The following CDYL2 variants were observed in gnomAD, a reference collection of about 807,000 sequenced individuals.
CDYL2 encodes chromodomain Y-like protein 2.
CDYL2 carries 23 observed loss-of-function variants against 49.4 expected under a neutral mutation model. The ratio of observed to expected loss-of-function variants is 0.47; its 90% confidence interval spans 0.34 to 0.66. The LOEUF is 0.66. Ranked by LOEUF, CDYL2 falls within the 30% of genes least tolerant of loss-of-function variation. The probability of loss-of-function intolerance (pLI) is 0.01; values close to 1 mark genes in which losing one functional copy is unlikely to be tolerated. For missense variants in CDYL2, 678 were observed against 656.4 expected (o/e 1.03, Z -0.36); for synonymous variants, 360 against 268.8 (o/e 1.34, Z -3.32).
In CDYL2 at chr16:80,609,746, G is replaced by A. The variant is rs556966842; in HGVS notation, c.1219-1511C>T. 9.8e-5 allele frequency among the ~76,000 whole-genome samples: 15 copies of A among 152,298 alleles called. No individual in the cohort carries two copies. The South Asian group carries it at 2.9e-3, about 29-fold the overall frequency. ...CACCCCTCAGACACCATACCCTGCAGTGCCCTCTTTGAAGAGAGAACTTAG... is the reference window on the plus strand; with the variant it reads ...CACCCCTCAGACACCATACCCTGCAATGCCCTCTTTGAAGAGAGAACTTAG... On this transcript the variant is annotated intron_variant, in intron 5 of 6. Transcript: ENST00000570137.
intron 1 of CDYL2, among the ~76,000 whole-genome samples, chr16:80,754,689 G>C (rs544935912): frequency 4.6e-4 from 70 of 152,166 alleles, no homozygotes; most frequent in Non-Finnish European, 8.7e-4. Flanking sequence ...TCCACATCAG[G>C]GAGGATTCCG....
At chr16:80,770,331 G>A (rs1421443561) in intron 1 of CDYL2, among the ~76,000 whole-genome samples, 2 of 152,082 alleles carry the variant, frequency 1.3e-5, no homozygotes, top group Non-Finnish European at 2.9e-5. Context: ...AGGTAAAGAA[G>A]AAATCTTACA....
At chr16:80,618,343 G>A (rs1461142985) in intron 4 of CDYL2, among the ~76,000 whole-genome samples, 1 of 152,234 alleles carries the variant, frequency 6.6e-6, no homozygotes, top group Non-Finnish European at 1.5e-5. Flanking sequence ...CTTTCTCCAT[G>A]AATTTGGTTC....
chr16:80,613,174 A>G (rs1277079917), intron 4 of CDYL2, among the ~76,000 whole-genome samples: 1 of 152,094 alleles, frequency 6.6e-6, no homozygotes, highest in Non-Finnish European at 1.5e-5. Flanking sequence ...ATTTCTATAT[A>G]TCCTAAGGAA....
chr16:80,742,099 T>C (rs1445077984), intron 1 of CDYL2: 3 of 152,176 alleles, frequency 2.0e-5, no homozygotes. Flanking sequence ...CTTTTACAGA[T>C]GAGAAAACTG....
chr16:80,664,422 C>T (rs1055525493), intron 2 of CDYL2, among the ~76,000 whole-genome samples: 2 of 152,196 alleles, frequency 1.3e-5, no homozygotes, highest in Admixed American at 1.3e-4. Flanking sequence ...GCTCCGGTGT[C>T]CTGGGCCTTC....
At chr16:80,623,621 T>C (rs1407143275) in intron 3 of CDYL2, among the ~76,000 whole-genome samples, 1 of 152,158 alleles carries the variant, frequency 6.6e-6, no homozygotes, top group African/African-American at 2.4e-5. Flanking sequence ...CATATGCATG[T>C]TATTGTTTGA....
intron 1 of CDYL2, among the ~76,000 whole-genome samples, chr16:80,695,532 C>T (rs886840573): frequency 1.1e-4 from 17 of 152,094 alleles, no homozygotes; most frequent in African/African-American, 4.1e-4. Context: ...AAGACACAAA[C>T]AGATTGAAAG....
At chr16:80,725,556 C>T (rs569964314) in intron 1 of CDYL2, among the ~76,000 whole-genome samples, 144 of 152,336 alleles carry the variant, frequency 9.5e-4, no homozygotes, top group Middle Eastern at 3.4e-3. Context: ...ATCCTACAGT[C>T]TACGAATCTC....
At chr16:80,723,704 T>C (rs1018980221) in intron 1 of CDYL2, among the ~76,000 whole-genome samples, 1 of 152,216 alleles carries the variant, frequency 6.6e-6, no homozygotes, top group Admixed American at 6.5e-5. Flanking sequence ...GCCATTCGTT[T>C]ACATACTTCT....
At chr16:80,650,649 T>C (rs1371258988) in intron 2 of CDYL2, among the ~76,000 whole-genome samples, 3 of 152,148 alleles carry the variant, frequency 2.0e-5, no homozygotes, top group East Asian at 1.9e-4. Flanking sequence ...AATCAGTATA[T>C]TGAAGAGATA....
chr16:80,796,891 C>G (rs1907783247), intron 1 of CDYL2, among the ~76,000 whole-genome samples: 2 of 152,188 alleles, frequency 1.3e-5, no homozygotes, highest in South Asian at 4.1e-4. Flanking sequence ...GGAATAGATG[C>G]ACCCCAAGGT....
chr16:80,665,232 C>A (rs913715510), intron 2 of CDYL2, among the ~76,000 whole-genome samples: 10 of 152,156 alleles, frequency 6.6e-5, no homozygotes, highest in African/African-American at 2.4e-4. Flanking sequence ...TGATCAAGCT[C>A]CATGCATCCT....
At chr16:80,794,912 C>A (rs1221110958) in intron 1 of CDYL2, among the ~76,000 whole-genome samples, 1 of 152,138 alleles carries the variant, frequency 6.6e-6, no homozygotes, top group Non-Finnish European at 1.5e-5. Context: ...CGCATCCAGC[C>A]TCAGTGATAG....
chr16:80,667,235 T>A (rs956090696), intron 2 of CDYL2, among the ~76,000 whole-genome samples: 4 of 152,070 alleles, frequency 2.6e-5, no homozygotes, highest in Non-Finnish European at 5.9e-5. Flanking sequence ...TGGGCTTCCA[T>A]CTATCTGGTT....
At position 80,804,139 on chromosome 16, in the gene CDYL2, C is replaced by A. The variant is rs1394523948; in HGVS notation, c.24+11G>T. ...TGACTGGGGCCGGCCCGCGCCCCCG[C>A]GTCCCCGTACCTCGTAAAGGTCCCC... On this transcript the variant is annotated intron_variant, in intron 1 of 6. Coordinates refer to ENST00000570137, the MANE Select transcript of CDYL2 (RefSeq NM_152342.4). The A allele has an allele frequency of 1.7e-6, 2 of 1,204,432 alleles. No individual in the cohort carries two copies. The highest frequency in any genetic ancestry group is 1.1e-6 in the Non-Finnish European group (1 of 939,496). The allele number at this position is 1,204,432 out of a possible 1,614,324, so 74.6% of individuals were successfully genotyped here. A position where few individuals can be genotyped will look rare whatever the true frequency, so the allele number is the denominator to read the frequency against.
intron 2 of CDYL2, among the ~76,000 whole-genome samples, chr16:80,675,818 G>T (rs1416741493): frequency 5.3e-5 from 8 of 152,042 alleles, no homozygotes; most frequent in African/African-American, 1.4e-4. Context: ...CTTGCTCCTG[G>T]GGAGGATCGC....
intron 6 of CDYL2, among the ~76,000 whole-genome samples, chr16:80,605,530 C>G (rs1180692322): frequency 1.3e-5 from 2 of 149,718 alleles, no homozygotes; most frequent in African/African-American, 4.9e-5. Flanking sequence ...ATCATAGTAA[C>G]AATAGCAATA....
At chr16:80,732,825 T>C (rs1905377623) in intron 1 of CDYL2, among the ~76,000 whole-genome samples, 1 of 152,170 alleles carries the variant, frequency 6.6e-6, no homozygotes, top group South Asian at 2.1e-4. Context: ...TCTCTTAAGG[T>C]CTGCACATTT....
Sources: gnomAD v4.1 joint callset for allele counts (sites outside exome capture counted in the v4.1 genomes callset) on GRCh38, gnomAD v4.1.1 for gene constraint, MANE v1.5 for transcripts, NCBI Gene and HGNC (gene_info 2026-07-23, HGNC 2026-07-21) for gene names.